The following PDE6C variants were observed in gnomAD, a reference collection of about 807,000 sequenced individuals.
PDE6C encodes phosphodiesterase 6C, also known as cone cGMP-specific 3',5'-cyclic phosphodiesterase subunit alpha'.
A neutral mutation model predicts 113.1 loss-of-function variants in PDE6C; 75 were observed. The observed-to-expected ratio is 0.66, with a 90% CI of 0.55 to 0.80. The LOEUF (loss-of-function observed/expected upper bound fraction) is 0.80, where lower values mean the gene tolerates loss of function less well. Ranked by LOEUF, PDE6C falls within the 30% of genes least tolerant of loss-of-function variation. The probability of loss-of-function intolerance (pLI) is 0.00; values close to 1 mark genes in which losing one functional copy is unlikely to be tolerated. For synonymous variants in PDE6C, 375 were observed against 363.7 expected (o/e 1.03, Z -0.35); for missense variants, 912 against 1,038.6 (o/e 0.88, Z 1.67).
chr10:93,640,212 TAGAGGTCAGAGGGTATTTAATTTAAA>T lies in PDE6C; in HGVS notation c.1627_1629+23del. ...GTGGTGGAGAAATTCAAAGTACCTGTAGAGGTCAGAGGGTATTTAATTTAAAATACTGTGTGATTCTGTGGCTCTGC... is the reference window on the plus strand; with the variant it reads ...GTGGTGGAGAAATTCAAAGTACCTGTATACTGTGTGATTCTGTGGCTCTGC... On this transcript the variant is annotated splice_donor_variant and splice_donor_5th_base_variant and coding_sequence_variant and intron_variant, in exon 12 of 22. Coordinates refer to ENST00000371447, the MANE Select transcript of PDE6C (RefSeq NM_006204.4). LOFTEE classifies it high-confidence loss of function. 1 of 1,612,198 alleles carries T rather than the reference TAGAGGTCAGAGGGTATTTAATTTAAA, an allele frequency of 6.2e-7. No individual in the cohort carries two copies. Among genetic ancestry groups the T allele is most frequent in the African/African-American group, 1.3e-5 (1 of 75,012 alleles).
intron 3 of PDE6C, among the ~76,000 whole-genome samples, chr10:93,621,607 C>T (rs1330740244): frequency 6.6e-6 from 1 of 152,136 alleles, no homozygotes; most frequent in Non-Finnish European, 1.5e-5. Context: ...GCCAGTGGGC[C>T]ACCGATACTG....
rs572738950 is a variant in PDE6C, at chr10:93,640,911, T to C, written c.1738-9T>C. 43 of 1,547,718 alleles carry C rather than the reference T, an allele frequency of 2.8e-5. No homozygotes were observed. The highest frequency in any genetic ancestry group is 1.7e-4 in the Middle Eastern group (1 of 5,918). On this transcript the variant is annotated splice_polypyrimidine_tract_variant and intron_variant, in intron 13 of 21. Transcript: ENST00000371447. Reference sequence around the variant, plus strand: ...ATTATAGATATGCATATATATGTTATTTTTTTAGACAGGAAGATTAAAGAA... The same window carrying C: ...ATTATAGATATGCATATATATGTTACTTTTTTAGACAGGAAGATTAAAGAA...
At chr10:93,641,920 C>G (rs1365081974) in intron 14 of PDE6C, among the ~76,000 whole-genome samples, 1 of 152,156 alleles carries the variant, frequency 6.6e-6, no homozygotes, top group Non-Finnish European at 1.5e-5. Context: ...CACTGGGTCA[C>G]AAATTATTTA....
At position 93,640,929 on chromosome 10, in the gene PDE6C, T is replaced by C; in HGVS notation, c.1747T>C (p.Leu583=). 8.1e-6 allele frequency: 13 copies of C among 1,602,012 alleles called. No individual in the cohort carries two copies. Among genetic ancestry groups the C allele is most frequent in the Non-Finnish European group, 1.0e-5 (12 of 1,169,032 alleles). ...TMFTLLMTGR[L]KKYYTDLEAF... ...TATGTTATTTTTTTAGACAGGAAGA[T>C]TAAAGAAGTACTACACAGATCTCGA... The change falls in exon 14 of 22, where the codon TTA becomes CTA. Residue 583 remains leucine (L), a synonymous_variant. Coordinates refer to ENST00000371447, the MANE Select transcript of PDE6C (RefSeq NM_006204.4).
intron 16 of PDE6C, 123 bp from the exon 17 acceptor site, chr10:93,658,778 G>T: frequency 1.4e-6 from 1 of 697,818 alleles, no homozygotes. Context: ...TGGCCCTGTA[G>T]ACTTTGCTAT....
At chr10:93,620,524 T>C in intron 1 of PDE6C, 108 bp from the exon 2 acceptor site, 1 of 1,134,232 alleles carries the variant, frequency 8.8e-7, no homozygotes, top group Non-Finnish European at 1.3e-6. Flanking sequence ...GGAGCCCTGG[T>C]TATCTGTTGG....
At chr10:93,642,941 C>T (rs888018157) in intron 14 of PDE6C, among the ~76,000 whole-genome samples, 2 of 152,160 alleles carry the variant, frequency 1.3e-5, no homozygotes, top group Admixed American at 1.3e-4. Context: ...ACTGGCCGCT[C>T]GCTCCTCCAG....
In PDE6C at chr10:93,612,668, T is replaced by G; in HGVS notation, c.-58T>G. ...TGAATTTCCTTCTCATCACTCTGCC[T>G]CAGGTAGTGCTCTGAAGGTCGTCCT... is the stretch of plus-strand genomic sequence containing the variant. On this transcript the variant is annotated 5_prime_UTR_variant, in exon 1 of 22. Transcript: ENST00000371447. 2 of 1,610,690 alleles carry G rather than the reference T, an allele frequency of 1.2e-6. No homozygotes were observed. The highest frequency in any genetic ancestry group is 1.7e-6 in the Non-Finnish European group (2 of 1,179,226).
At chr10:93,641,124 C>A (rs1403769989) in intron 14 of PDE6C, 95 bp downstream of exon 14, 2 of 763,646 alleles carry the variant, frequency 2.6e-6, no homozygotes, top group South Asian at 1.5e-5. Flanking sequence ...TTGGCCCAGT[C>A]AATGCCTCTT....
At chr10:93,641,499 C>T (rs929934325) in intron 14 of PDE6C, among the ~76,000 whole-genome samples, 3 of 152,012 alleles carry the variant, frequency 2.0e-5, no homozygotes, top group Middle Eastern at 3.4e-3. Context: ...ATGTGGCACA[C>T]CTGGGATTAT....
intron 10 of PDE6C, among the ~76,000 whole-genome samples, 193 bp from the exon 11 acceptor site, chr10:93,636,802 C>G (rs2058534423): frequency 6.6e-6 from 1 of 152,126 alleles, no homozygotes; most frequent in Non-Finnish European, 1.5e-5. Context: ...GGGTCTCACT[C>G]TCTCACCTAG....
At chr10:93,655,649 A>AAAAAAAAAAAAATGTT in intron 15 of PDE6C, 111 bp from the exon 16 acceptor site, 3 of 659,314 alleles carry the variant, frequency 4.6e-6, no homozygotes, top group East Asian at 5.4e-5. Flanking sequence ...CAAAAAAAAA[A>AAAAAAAAAAAAATGTT]CAAACAAAAA....
chr10:93,661,421 T>C (rs2058665290), intron 18 of PDE6C, among the ~76,000 whole-genome samples: 1 of 152,200 alleles, frequency 6.6e-6, no homozygotes, highest in African/African-American at 2.4e-5. Flanking sequence ...CTTTACTCCC[T>C]TCTCCCTGAC....
Position 93,640,218 on chromosome 10 carries a change from TC to T in PDE6C, c.1629+3del. On this transcript the variant is annotated splice_donor_region_variant and intron_variant, in intron 12 of 21. Transcript: ENST00000371447. ...GAGAAATTCAAAGTACCTGTAGAGG[TC>T]AGAGGGTATTTAATTTAAAATACTG... 1 of 1,611,422 alleles carries T rather than the reference TC, an allele frequency of 6.2e-7. No individual in the cohort carries two copies. The highest frequency in any genetic ancestry group is 8.5e-7 in the Non-Finnish European group (1 of 1,177,546).
At chr10:93,665,282 A>G (rs2058684995) in intron 21 of PDE6C, 78 bp from the exon 22 acceptor site, 1 of 1,051,330 alleles carries the variant, frequency 9.5e-7, no homozygotes, top group South Asian at 1.3e-5. Flanking sequence ...AGTTGACACT[A>G]CTATCATGGG....
intron 8 of PDE6C, among the ~76,000 whole-genome samples, chr10:93,632,275 C>A (rs146450079): frequency 2.9e-3 from 440 of 152,306 alleles, no homozygotes; most frequent in African/African-American, 9.2e-3. Flanking sequence ...TATCTGCAAC[C>A]TTAGTTCCCC....
chr10:93,633,103 C>G (rs61181780), intron 8 of PDE6C, among the ~76,000 whole-genome samples: 1 of 152,306 alleles, frequency 6.6e-6, no homozygotes, highest in East Asian at 1.9e-4. Flanking sequence ...TAGCTACATA[C>G]TGTGCAAATG....
chr10:93,627,828 GC>G (rs1356097583), intron 7 of PDE6C, among the ~76,000 whole-genome samples: 1 of 152,112 alleles, frequency 6.6e-6, no homozygotes, highest in Non-Finnish European at 1.5e-5. Flanking sequence ...AAATTCTTAG[GC>G]TATATATGCT....
intron 1 of PDE6C, among the ~76,000 whole-genome samples, chr10:93,617,413 C>T (rs868363199): frequency 6.6e-6 from 1 of 152,146 alleles, no homozygotes; most frequent in Non-Finnish European, 1.5e-5. Context: ...CTTAACATTT[C>T]CTTGTGTTTA....
Sources: allele counts gnomAD v4.1 joint callset (sites outside exome capture counted in the v4.1 genomes callset), GRCh38; gene constraint gnomAD v4.1.1; transcripts MANE v1.5; gene names NCBI Gene and HGNC (gene_info 2026-07-23, HGNC 2026-07-21).